PARVG: variants seen among roughly 807,000 people sequenced by gnomAD.
PARVG encodes the protein parvin gamma.
Under a neutral mutation model 44.4 loss-of-function variants are expected in PARVG, and 36 were observed. The ratio of observed to expected loss-of-function variants is 0.81; its 90% CI spans 0.62 to 1.07. The LOEUF (loss-of-function observed/expected upper bound fraction) is 1.07. PARVG is among the 50% of genes least tolerant of loss of function. PARVG has a pLI of 0.00. For missense variants in PARVG, 407 were observed against 407.4 expected (o/e 1.00, Z 0.01); for synonymous variants, 170 against 174.1 (o/e 0.98, Z 0.19).
Position 44,190,711 on chromosome 22 carries a change from C to T in PARVG, c.504+45C>T, listed in dbSNP as rs954448339. Reference sequence around the variant, plus strand: ...GGATTTGTAAGCAGAAGCTGAGCCTCTTGGGCCCCCATTGCCGTACCCTGC... The same window carrying T: ...GGATTTGTAAGCAGAAGCTGAGCCTTTTGGGCCCCCATTGCCGTACCCTGC... On this transcript the variant is annotated intron_variant, in intron 7 of 13. Transcript: ENST00000444313. 5 of 1,521,630 alleles carry T rather than the reference C, an allele frequency of 3.3e-6. No individual in the cohort carries two copies. In the African/African-American group the frequency reaches 4.1e-5, roughly 12 times the overall value. 94.3% of individuals were successfully genotyped at this position (1,521,630 alleles called of 1,614,324 possible). A position where few individuals can be genotyped will look rare whatever the true frequency, so the allele number is the denominator to read the frequency against.
chr22:44,179,747 C>T (rs2054352258), upstream of PARVG, among the ~76,000 whole-genome samples: 1 of 152,156 alleles, frequency 6.6e-6, no homozygotes, highest in African/African-American at 2.4e-5. The surrounding 1 kb of genome is among the most constrained non-coding windows in gnomAD (Gnocchi z 4.2). Flanking sequence ...GGTAACAAAT[C>T]CGAAGTTAAT....
In PARVG at chr22:44,183,300, C is replaced by T; in HGVS notation, c.-12-18C>T. 1 of 1,591,398 alleles carries T rather than the reference C, an allele frequency of 6.3e-7. No individual in the cohort carries two copies. The highest frequency in any genetic ancestry group is 8.5e-7 in the Non-Finnish European group (1 of 1,170,978). On this transcript the variant is annotated intron_variant, in intron 2 of 13. Transcript: ENST00000444313. ...GGCTTCTCAGACCGTGACGCCCTCTCCTGCCTCCTCTGTGCAGGCTTGGGA... is the reference window on the plus strand; with the variant it reads ...GGCTTCTCAGACCGTGACGCCCTCTTCTGCCTCCTCTGTGCAGGCTTGGGA...
upstream of PARVG, among the ~76,000 whole-genome samples, chr22:44,177,854 G>C (rs560968571): frequency 1.1e-4 from 17 of 151,986 alleles, no homozygotes; most frequent in South Asian, 4.1e-4. Flanking sequence ...AGAGTGCACT[G>C]TTTCTATTTT....
Position 44,181,058 on chromosome 22 carries a change from T to G in PARVG, c.-316T>G. On this transcript the variant is annotated 5_prime_UTR_variant, in exon 1 of 14. Coordinates refer to ENST00000444313, the MANE Select transcript of PARVG (RefSeq NM_022141.7). ...ACGTTCTCACCCCTTCTTCTTCCACTGCAAACTCCTATGCAGCCGTCAAGG... is the reference window on the plus strand; with the variant it reads ...ACGTTCTCACCCCTTCTTCTTCCACGGCAAACTCCTATGCAGCCGTCAAGG... 1.1e-6 allele frequency: 1 copy of G among 877,266 alleles called. No individual in the cohort carries two copies. Among genetic ancestry groups the G allele is most frequent in the Non-Finnish European group, 1.4e-6 (1 of 731,396 alleles). The allele number at this position is 877,266 out of a possible 1,614,324, so 54.3% of individuals were successfully genotyped here. A position where few individuals can be genotyped will look rare whatever the true frequency, so the allele number is the denominator to read the frequency against.
Position 44,206,793 on chromosome 22 carries a change from C to A in PARVG, c.*367C>A, listed in dbSNP as rs371127850. ...CCCAGAGAGGTGGCATCACTCAGGG[C>A]TGGGGACTCTCAGGGACAGGGCCCA... On this transcript the variant is annotated 3_prime_UTR_variant, in exon 14 of 14. Transcript: ENST00000444313. 2.9e-5 allele frequency: 8 copies of A among 274,772 alleles called. No homozygotes were observed. The highest frequency in any genetic ancestry group is 2.2e-4 in the South Asian group (6 of 27,902). The allele number at this position is 274,772 out of a possible 1,614,324, so 17.0% of individuals were successfully genotyped here. A position where few individuals can be genotyped will look rare whatever the true frequency, so the allele number is the denominator to read the frequency against.
upstream of PARVG, among the ~76,000 whole-genome samples, chr22:44,177,671 C>T (rs1167618233): frequency 6.6e-6 from 1 of 152,128 alleles, no homozygotes; most frequent in Non-Finnish European, 1.5e-5. Context: ...CCTCTCAGCG[C>T]ATCATTACCA....
chr22:44,192,688 C>G (rs2054566120), intron 8 of PARVG, among the ~76,000 whole-genome samples: 1 of 151,544 alleles, frequency 6.6e-6, no homozygotes, highest in Non-Finnish European at 1.5e-5. Flanking sequence ...GTTGACCATC[C>G]TGCTCCCTGC....
chr22:44,182,968 C>A lies in PARVG; in HGVS notation c.-12-350C>A. On this transcript the variant is annotated intron_variant, in intron 2 of 13. Transcript: ENST00000444313. The surrounding 1 kb of genome is among the most constrained non-coding windows in gnomAD (Gnocchi z 4.6). Reference sequence around the variant, plus strand: ...AGGAGTGAGCTGTACCTACTTTGTCCTGTCTGGGATAGGGTGGGGGGTCCC... The same window carrying A: ...AGGAGTGAGCTGTACCTACTTTGTCATGTCTGGGATAGGGTGGGGGGTCCC... The A allele has an allele frequency of 3.5e-6, 1 of 285,972 alleles. No homozygotes were observed. Among genetic ancestry groups the A allele is most frequent in the Non-Finnish European group, 6.6e-6 (1 of 152,230 alleles). The allele number at this position is 285,972 out of a possible 1,614,324, so 17.7% of individuals were successfully genotyped here.
At chr22:44,192,279 G>A in intron 8 of PARVG, 175 bp downstream of exon 8, 1 of 699,236 alleles carries the variant, frequency 1.4e-6, no homozygotes, top group East Asian at 2.8e-5. Flanking sequence ...GCAGCACACA[G>A]GACCCCTTTC....
At chr22:44,178,209 G>T (rs897518203), upstream of PARVG, among the ~76,000 whole-genome samples, 12 of 152,302 alleles carry the variant, frequency 7.9e-5, no homozygotes, top group African/African-American at 2.9e-4. Flanking sequence ...GGAACTCTTT[G>T]TACTTTCCTG....
chr22:44,205,770 C>G lies in PARVG; in HGVS notation c.827C>G (p.Thr276Ser). ...NSPAEMLHNV[T>S]LALELLKDEG... The stretch of plus-strand genomic sequence containing the variant: ...TTGTCATCATAGCTGCACAACGTCA[C>G]CCTGGCGCTGGAGCTGCTGAAGGAC... The change falls in exon 13 of 14, where the codon ACC (threonine) becomes AGC (serine). Residue 276 changes from threonine (T) to serine (S), a missense_variant. Physicochemically the swap from Thr to Ser is moderately conservative, Grantham distance 58. Coordinates refer to ENST00000444313, the MANE Select transcript of PARVG (RefSeq NM_022141.7). 1 of 1,613,642 alleles carries G rather than the reference C, an allele frequency of 6.2e-7. No homozygotes were observed. Among genetic ancestry groups the G allele is most frequent in the Non-Finnish European group, 8.5e-7 (1 of 1,179,984 alleles).
At chr22:44,191,253 T>TA (rs2054544200) in intron 7 of PARVG, among the ~76,000 whole-genome samples, 1 of 152,088 alleles carries the variant, frequency 6.6e-6, no homozygotes, top group Admixed American at 6.6e-5. Context: ...ACCAGCTCTT[T>TA]GCTTCTCATG....
chr22:44,197,082 ACATGACGTAGGCATCTGGCCAC>A (rs1182909132), intron 11 of PARVG, among the ~76,000 whole-genome samples: 1 of 152,094 alleles, frequency 6.6e-6, no homozygotes, highest in Non-Finnish European at 1.5e-5. Flanking sequence ...CCTGAATGGG[ACATGACGTAGGCATCTGGCCAC>A]CTGGGTTCTG....
At position 44,206,543 on chromosome 22, in the gene PARVG, C is replaced by T. The variant is rs1344188789; in HGVS notation, c.*117C>T. The T allele has an allele frequency of 1.2e-6, 1 of 845,528 alleles. No individual in the cohort carries two copies. The highest frequency in any genetic ancestry group is 1.7e-5 in the African/African-American group (1 of 59,036). 52.4% of individuals were successfully genotyped at this position (845,528 alleles called of 1,614,324 possible). ...TGTGCATTCGTGACCCGCTTCCCTC[C>T]CACCCTGTCTCCTGTCTCCATCGTT... On this transcript the variant is annotated 3_prime_UTR_variant, in exon 14 of 14. Transcript: ENST00000444313.
At position 44,206,618 on chromosome 22, in the gene PARVG, T is replaced by G. The variant is rs2054785843; in HGVS notation, c.*192T>G. 1 of 595,992 alleles carries G rather than the reference T, an allele frequency of 1.7e-6. No homozygotes were observed. Among genetic ancestry groups the G allele is most frequent in the South Asian group, 2.0e-5 (1 of 49,224 alleles). The allele number at this position is 595,992 out of a possible 1,614,324, so 36.9% of individuals were successfully genotyped here. A position where few individuals can be genotyped will look rare whatever the true frequency, so the allele number is the denominator to read the frequency against. ...TGGATCATTTTGAGCCGCCTGGCCTTGCTCAGTTTATTTTAATAAAAGTAT... is the reference window on the plus strand; with the variant it reads ...TGGATCATTTTGAGCCGCCTGGCCTGGCTCAGTTTATTTTAATAAAAGTAT... On this transcript the variant is annotated 3_prime_UTR_variant, in exon 14 of 14. Transcript: ENST00000444313.
rs763549717 is a variant in PARVG, at chr22:44,190,586, CT to C, written c.425del (p.Leu142ProfsTer33). 2 of 1,614,086 alleles carry C rather than the reference CT, an allele frequency of 1.2e-6. No individual in the cohort carries two copies. Among genetic ancestry groups the C allele is most frequent in the African/African-American group, 2.7e-5 (2 of 74,942 alleles). On this transcript the variant is annotated frameshift_variant, in exon 7 of 14. Transcript: ENST00000444313. LOFTEE classifies it high-confidence loss of function. The part of the protein sequence containing the change: ...FNKDLLSTLH[L>X]LVALAKRFQP... Reference sequence around the variant, plus strand: ...CAAGGACCTGTTGTCTACCCTGCACCTCCTTGTGGCCCTGGCCAAGCGCTTC... The same window carrying C: ...CAAGGACCTGTTGTCTACCCTGCACCCCTTGTGGCCCTGGCCAAGCGCTTC...
rs2054773512 is a variant in PARVG, at chr22:44,205,841, G to T, written c.886+12G>T. 6.2e-7 allele frequency: 1 copy of T among 1,612,164 alleles called. No individual in the cohort carries two copies. On this transcript the variant is annotated intron_variant, in intron 13 of 13. Transcript: ENST00000444313. ...TGTCAGCCCTGAAGGTGAGTGCAAG[G>T]CAGATGCCCACACGGTGGCCAGCCC...
chr22:44,206,598 C>T lies in PARVG; in HGVS notation c.*172C>T. Reference sequence around the variant, plus strand: ...TATCTTTGAACCCCCTTGTGTGGATCATTTTGAGCCGCCTGGCCTTGCTCA... The same window carrying T: ...TATCTTTGAACCCCCTTGTGTGGATTATTTTGAGCCGCCTGGCCTTGCTCA... On this transcript the variant is annotated 3_prime_UTR_variant, in exon 14 of 14. Transcript: ENST00000444313. 1 of 629,964 alleles carries T rather than the reference C, an allele frequency of 1.6e-6. No individual in the cohort carries two copies. Among genetic ancestry groups the T allele is most frequent in the East Asian group, 2.8e-5 (1 of 35,924 alleles). The allele number at this position is 629,964 out of a possible 1,614,324, so 39.0% of individuals were successfully genotyped here.
chr22:44,203,218 C>T (rs1473787955), intron 12 of PARVG, among the ~76,000 whole-genome samples: 4 of 152,162 alleles, frequency 2.6e-5, no homozygotes, highest in African/African-American at 9.7e-5. Flanking sequence ...CTGTTTTGAG[C>T]ACTGGTTGTA....
Sources: gnomAD v4.1 joint callset for allele counts (sites outside exome capture counted in the v4.1 genomes callset) on GRCh38, gnomAD v4.1.1 for gene constraint, Gnocchi (gnomAD v3.1) non-coding constraint, MANE v1.5 for transcripts, NCBI Gene and HGNC (gene_info 2026-07-23, HGNC 2026-07-21) for gene names.